The following THRB variants were observed in gnomAD, a reference collection of about 807,000 sequenced individuals.
THRB encodes nuclear receptor subfamily 1 group A member 2.
In THRB, 12 loss-of-function variants were observed where a neutral mutation model predicts 47.8. The ratio of observed to expected loss-of-function variants is 0.25; its 90% CI spans 0.16 to 0.41. The LOEUF is 0.41. THRB is among the 10% of genes least tolerant of loss of function. THRB has a pLI of 1.00. For synonymous variants in THRB, 218 were observed against 212.2 expected, an observed-to-expected ratio of 1.03 and a Z score of -0.24; for missense variants, 348 against 589.2, an observed-to-expected ratio of 0.59 and a Z score of 4.24.
chr3:24,469,169 G>A (rs978306265), intron 1 of THRB, among the ~76,000 whole-genome samples: 2 of 152,142 alleles, frequency 1.3e-5, no homozygotes, highest in African/African-American at 2.4e-5. Flanking sequence ...ATAGAAAACA[G>A]GGGTTCCCTC....
At chr3:24,276,683 G>T (rs1425581989) in intron 3 of THRB, among the ~76,000 whole-genome samples, 2 of 152,162 alleles carry the variant, frequency 1.3e-5, no homozygotes, top group African/African-American at 4.8e-5. Flanking sequence ...TGATGGATAC[G>T]ATTACATGAC....
At chr3:24,285,275 C>T (rs895102973) in intron 3 of THRB, among the ~76,000 whole-genome samples, 1 of 151,952 alleles carries the variant, frequency 6.6e-6, no homozygotes, top group African/African-American at 2.4e-5. Flanking sequence ...AGTTCATGTC[C>T]TTTGTAGGGA....
intron 8 of THRB, among the ~76,000 whole-genome samples, chr3:24,137,013 C>A (rs2034767059): frequency 6.6e-6 from 1 of 152,202 alleles, no homozygotes; most frequent in Admixed American, 6.5e-5. Flanking sequence ...TAGATGTTTT[C>A]CCAGGTGACC....
At chr3:24,219,308 CA>C (rs2046930114) in intron 4 of THRB, among the ~76,000 whole-genome samples, 1 of 151,936 alleles carries the variant, frequency 6.6e-6, no homozygotes, top group South Asian at 2.1e-4. Context: ...AAAACAAAAA[CA>C]AAAAAATAGG....
intron 3 of THRB, among the ~76,000 whole-genome samples, chr3:24,269,602 T>A (rs1349422102): frequency 1.1e-5 from 1 of 90,134 alleles, no homozygotes; most frequent in Non-Finnish European, 2.4e-5. Flanking sequence ...ATTTTTAATT[T>A]TTTTTTTTTT....
At chr3:24,339,978 A>G (rs1350571443) in intron 1 of THRB, among the ~76,000 whole-genome samples, 1 of 152,216 alleles carries the variant, frequency 6.6e-6, no homozygotes, top group Non-Finnish European at 1.5e-5. Flanking sequence ...TAACTGATTC[A>G]TATTTATATT....
intron 1 of THRB, among the ~76,000 whole-genome samples, chr3:24,461,462 T>TA (rs898340054): frequency 2.0e-5 from 3 of 152,206 alleles, no homozygotes; most frequent in Non-Finnish European, 4.4e-5. Context: ...ATTAGCATTA[T>TA]AAAAAACATT....
intron 2 of THRB, among the ~76,000 whole-genome samples, chr3:24,332,033 A>G (rs1576906800): frequency 6.6e-6 from 1 of 151,896 alleles, no homozygotes; most frequent in Non-Finnish European, 1.5e-5. Flanking sequence ...ACGAAATCCC[A>G]CTTTCATTCC....
intron 4 of THRB, among the ~76,000 whole-genome samples, chr3:24,203,755 A>T (rs535914265): frequency 1.5e-4 from 23 of 152,206 alleles, no homozygotes; most frequent in Non-Finnish European, 3.1e-4. Context: ...TCCGTTTCTT[A>T]GCCAAGGGAA....
intron 4 of THRB, among the ~76,000 whole-genome samples, chr3:24,228,055 A>G (rs2047854427): frequency 6.6e-6 from 1 of 152,172 alleles, no homozygotes; most frequent in East Asian, 1.9e-4. Context: ...CAAATTTGAA[A>G]TCTCTGGACA....
intron 5 of THRB, among the ~76,000 whole-genome samples, chr3:24,170,326 A>C (rs1188307582): frequency 6.6e-6 from 1 of 152,216 alleles, no homozygotes; most frequent in Admixed American, 6.5e-5. Context: ...GCCATCTCGC[A>C]GTCCAATCCA....
Position 24,122,066 on chromosome 3 carries a change from C to G in THRB, c.*818G>C, listed in dbSNP as rs1272726903. 6 of 152,632 alleles carry G rather than the reference C, an allele frequency of 3.9e-5. No homozygotes were observed. The highest frequency in any genetic ancestry group is 8.8e-5 in the Non-Finnish European group (6 of 68,052). 9.5% of individuals were successfully genotyped at this position (152,632 alleles called of 1,614,324 possible). On this transcript the variant is annotated 3_prime_UTR_variant, in exon 11 of 11. Coordinates refer to ENST00000646209, the MANE Select transcript of THRB (RefSeq NM_001354712.2). ...GCCACCCTGTAAATAGGTTTGATTT[C>G]TGTAAAAGTGTTCTCTGAGCCTAAA...
At chr3:24,171,902 T>G (rs2040491574) in intron 5 of THRB, among the ~76,000 whole-genome samples, 1 of 152,196 alleles carries the variant, frequency 6.6e-6, no homozygotes, top group Admixed American at 6.6e-5. Flanking sequence ...ACACCATGGC[T>G]ACTGGGTTAA....
intron 4 of THRB, among the ~76,000 whole-genome samples, chr3:24,193,095 T>C (rs1189765522): frequency 6.6e-6 from 1 of 152,198 alleles, no homozygotes; most frequent in Non-Finnish European, 1.5e-5. Flanking sequence ...ACCTACTGGA[T>C]ATACTGTTGT....
At chr3:24,151,999 G>A (rs2037027496) in intron 6 of THRB, among the ~76,000 whole-genome samples, 1 of 152,172 alleles carries the variant, frequency 6.6e-6, no homozygotes, top group African/African-American at 2.4e-5. Context: ...AGTAAACTCT[G>A]TCTCCTCCAA....
intron 1 of THRB, among the ~76,000 whole-genome samples, chr3:24,472,247 C>T (rs1391210249): frequency 3.3e-5 from 5 of 152,114 alleles, no homozygotes; most frequent in African/African-American, 1.2e-4. Context: ...TCTATACATG[C>T]CAGGACAAAT....
intron 3 of THRB, among the ~76,000 whole-genome samples, chr3:24,264,335 C>G (rs1415913271): frequency 6.6e-6 from 1 of 152,132 alleles, no homozygotes. Context: ...GAGTAGAGAA[C>G]CCAGGCCCCC....
At chr3:24,464,697 ATT>A (rs1312908936) in intron 1 of THRB, among the ~76,000 whole-genome samples, 1 of 151,814 alleles carries the variant, frequency 6.6e-6, no homozygotes, top group Admixed American at 6.6e-5. Flanking sequence ...CTTTTTTTGT[ATT>A]TGTTTCTTTC....
At chr3:24,189,739 T>C in intron 5 of THRB, among the ~76,000 whole-genome samples, 1 of 152,294 alleles carries the variant, frequency 6.6e-6, no homozygotes, top group African/African-American at 2.4e-5. Flanking sequence ...CAAGACTTCA[T>C]AAAAATACAG....
Sources: gnomAD v4.1 joint callset for allele counts (sites outside exome capture counted in the v4.1 genomes callset) on GRCh38, gnomAD v4.1.1 for gene constraint, MANE v1.5 for transcripts, NCBI Gene and HGNC (gene_info 2026-07-23, HGNC 2026-07-21) for gene names.